UGGT1: variants seen among roughly 807,000 people sequenced by gnomAD.
The protein encoded by UGGT1 is UDP-glucose:glycoprotein glucosyltransferase 1.
UGGT1 carries 107 observed loss-of-function variants against 203.9 expected under a neutral mutation model. That is an observed-to-expected ratio of 0.52 (90% CI 0.45 to 0.62). The LOEUF (loss-of-function observed/expected upper bound fraction) is 0.62. Among genes scored for constraint, UGGT1 ranks in the 20% least tolerant of loss-of-function variants. The pLI, the probability that UGGT1 is intolerant of heterozygous loss-of-function variation, is 0.00. For synonymous variants in UGGT1, 628 were observed against 653.5 expected (o/e 0.96, Z 0.59); for missense variants, 1,673 against 1,867.2 (o/e 0.90, Z 1.92).
At chr2:128,128,526 C>A (rs930868893) in intron 12 of UGGT1, among the ~76,000 whole-genome samples, 2 of 152,010 alleles carry the variant, frequency 1.3e-5, no homozygotes, top group African/African-American at 2.4e-5. Context: ...GTTGGCCAGG[C>A]TGGTCTCGAA....
chr2:128,151,276 T>C, intron 18 of UGGT1: 1 of 593,832 alleles, frequency 1.7e-6, no homozygotes, highest in African/African-American at 1.8e-5. Context: ...CTCGTCCATC[T>C]CCTTGGCCTG....
At chr2:128,138,892 C>T in intron 16 of UGGT1, 40 bp downstream of exon 16, 1 of 1,610,468 alleles carries the variant, frequency 6.2e-7, no homozygotes, top group Non-Finnish European at 8.5e-7. Flanking sequence ...TTTTTCAGAT[C>T]TAACTTACTC....
At chr2:128,124,585 C>G (rs1293262372) in intron 11 of UGGT1, among the ~76,000 whole-genome samples, 1 of 151,484 alleles carries the variant, frequency 6.6e-6, no homozygotes, top group Non-Finnish European at 1.5e-5. Context: ...GTTTCTCTTT[C>G]CTCTTTTCCT....
chr2:128,160,562 G>A lies in UGGT1; in HGVS notation c.2665G>A (p.Gly889Arg). 2.5e-6 allele frequency: 4 copies of A among 1,613,286 alleles called. No homozygotes were observed. The highest frequency in any genetic ancestry group is 1.1e-5 in the South Asian group (1 of 90,956). ...CAGGGATGTTCTGAAGCTGAAGAAG[G>A]GACAGAGGGCAGTGATCAGCAATGG... ...YCRDVLKLKK[G>R]QRAVISNGRI... Residue 889 changes from glycine (G) to arginine (R), a missense_variant, in exon 24 of 41, where the codon GGA becomes AGA. This residue lies in a region of UGGT1 where 1,073 missense variants were observed against 1,078.7 expected (regional missense o/e 0.99). Transcript: ENST00000259253.
rs754519276 is a variant in UGGT1, at chr2:128,183,678, A to T, written c.4248A>T (p.Ala1416=). ...HLAGRKYHIS[A]LYVVDLKKFR... is the part of the protein sequence containing the mutation. Reference sequence around the variant, plus strand: ...CAAGCGGGTCTTCTTTATTCAGTGCACTATATGTTGTGGATCTGAAGAAGT... The same window carrying T: ...CAAGCGGGTCTTCTTTATTCAGTGCTCTATATGTTGTGGATCTGAAGAAGT... The change falls in exon 38 of 41, where the codon GCA becomes GCT. Residue 1416 remains alanine (A), a synonymous_variant. Coordinates refer to ENST00000259253, the MANE Select transcript of UGGT1 (RefSeq NM_020120.4). 1 of 1,612,582 alleles carries T rather than the reference A, an allele frequency of 6.2e-7. No individual in the cohort carries two copies.
At chr2:128,096,800 A>G (rs892843479) in intron 1 of UGGT1, among the ~76,000 whole-genome samples, 1 of 152,192 alleles carries the variant, frequency 6.6e-6, no homozygotes, top group East Asian at 1.9e-4. Flanking sequence ...TTCATCCTTT[A>G]TAAAATATGG....
rs771220623 is a variant in UGGT1, at chr2:128,164,715, A to G, written c.2826-15A>G. ...GTTAAAAAGATGTTAAGATTTCTCTAACCCCTTCTTTCAGGGCAAGCGACT... is the reference window on the plus strand; with the variant it reads ...GTTAAAAAGATGTTAAGATTTCTCTGACCCCTTCTTTCAGGGCAAGCGACT... On this transcript the variant is annotated splice_polypyrimidine_tract_variant and intron_variant, in intron 25 of 40. Coordinates refer to ENST00000259253, the MANE Select transcript of UGGT1 (RefSeq NM_020120.4). The G allele has an allele frequency of 3.1e-6, 5 of 1,610,192 alleles. No individual in the cohort carries two copies. The South Asian group carries it at 5.5e-5, about 18-fold the overall frequency.
At chr2:128,098,438 G>A (rs1177068450) in intron 2 of UGGT1, among the ~76,000 whole-genome samples, 3 of 152,218 alleles carry the variant, frequency 2.0e-5, no homozygotes, top group Non-Finnish European at 4.4e-5. Flanking sequence ...TTATGCCCAT[G>A]CAGCTCAATC....
At chr2:128,144,901 G>T (rs1437258505) in intron 17 of UGGT1, among the ~76,000 whole-genome samples, 14 of 152,210 alleles carry the variant, frequency 9.2e-5, no homozygotes, top group Admixed American at 9.2e-4. Flanking sequence ...CATTTGTAAA[G>T]TTGCCCACTT....
intron 25 of UGGT1, among the ~76,000 whole-genome samples, chr2:128,164,115 G>T (rs948426704): frequency 6.6e-6 from 1 of 152,162 alleles, no homozygotes; most frequent in Non-Finnish European, 1.5e-5. Flanking sequence ...GAAGGTCGAG[G>T]ATGCTGAGAT....
At chr2:128,140,082 C>G (rs1689334679) in intron 16 of UGGT1, 1 of 153,626 alleles carries the variant, frequency 6.5e-6, no homozygotes, top group African/African-American at 2.4e-5. Flanking sequence ...TCAGCGGATC[C>G]CAGGAGTCAG....
rs1005621201 is a variant in UGGT1 at position 128,133,132 on chromosome 2, T to C, written c.1378-9T>C. ...ATGTGCATGTATCCTGTTGTGTTAT[T>C]TTTTGTAGTGGGTCAACAACCTGGA... On this transcript the variant is annotated splice_polypyrimidine_tract_variant and intron_variant, in intron 13 of 40. Coordinates refer to ENST00000259253, the MANE Select transcript of UGGT1 (RefSeq NM_020120.4). 17 of 1,613,620 alleles carry C rather than the reference T, an allele frequency of 1.1e-5. No individual in the cohort carries two copies. The highest frequency in any genetic ancestry group is 1.4e-5 in the Non-Finnish European group (17 of 1,179,722).
intron 5 of UGGT1, among the ~76,000 whole-genome samples, chr2:128,112,003 TGTC>T (rs1478870677): frequency 1.3e-5 from 2 of 150,490 alleles, no homozygotes; most frequent in Admixed American, 1.3e-4. Flanking sequence ...TTGGGCATGA[TGTC>T]GTGCACCTGT....
Position 128,133,248 on chromosome 2 carries a change from C to G in UGGT1, c.1485C>G (p.Asn495Lys). 6.2e-7 allele frequency: 1 copy of G among 1,613,654 alleles called. No homozygotes were observed. The highest frequency in any genetic ancestry group is 8.5e-7 in the Non-Finnish European group (1 of 1,179,710). Residue 495 changes from asparagine (N) to lysine (K), a missense_variant, in exon 14 of 41, where the codon AAC becomes AAG. Around this residue, in one of 4 missense-constraint regions of UGGT1, gnomAD observed 1,073 missense variants for 1,078.7 expected, o/e 0.99. Transcript: ENST00000259253. The stretch of plus-strand genomic sequence containing the variant: ...GTGTTATTCGGCAGATCAGGAAAAA[C>G]TTACATAATATGGTAAGTAAAACTT... ...FPGVIRQIRK[N>K]LHNMVFIVDP...
chr2:128,185,149 G>A (rs1558831164), intron 38 of UGGT1, among the ~76,000 whole-genome samples: 2 of 150,314 alleles, frequency 1.3e-5, no homozygotes, highest in Non-Finnish European at 3.0e-5. Context: ...ATTATTTTGG[G>A]GAATAATTTG....
intron 5 of UGGT1, among the ~76,000 whole-genome samples, chr2:128,112,069 C>A (rs1005901457): frequency 6.6e-6 from 1 of 151,196 alleles, no homozygotes; most frequent in Admixed American, 6.6e-5. Context: ...AGCGATCACG[C>A]GACTGTGCTC....
chr2:128,118,424 C>A (rs1440121465), intron 8 of UGGT1, among the ~76,000 whole-genome samples: 1 of 152,112 alleles, frequency 6.6e-6, no homozygotes, highest in African/African-American at 2.4e-5. Flanking sequence ...TGCCACCATG[C>A]CTGGCTAATT....
intron 7 of UGGT1, among the ~76,000 whole-genome samples, chr2:128,115,553 G>A (rs185010024): frequency 5.3e-4 from 79 of 150,212 alleles, no homozygotes; most frequent in African/African-American, 1.8e-3. Context: ...GCCCAAAAAC[G>A]TTCAGCAAGT....
chr2:128,101,182 C>T (rs771032723), intron 2 of UGGT1, among the ~76,000 whole-genome samples: 12 of 152,130 alleles, frequency 7.9e-5, no homozygotes, highest in Non-Finnish European at 1.6e-4. Context: ...TAGTATTCAC[C>T]TCCAGAGCTA....
Sources: allele counts gnomAD v4.1 joint callset (sites outside exome capture counted in the v4.1 genomes callset), GRCh38; gene constraint gnomAD v4.1.1; regional missense constraint gnomAD v4.1.1; transcripts MANE v1.5; gene names NCBI Gene and HGNC (gene_info 2026-07-23, HGNC 2026-07-21).